The following CAMSAP2 variants were observed in gnomAD, a reference collection of about 807,000 sequenced individuals.
CAMSAP2 encodes the protein calmodulin regulated spectrin associated protein family member 2, also known as calmodulin-regulated spectrin-associated protein 2.
A neutral mutation model predicts 146.1 loss-of-function variants in CAMSAP2; 26 were observed. The observed-to-expected ratio is 0.18, with a 90% CI of 0.13 to 0.25. CAMSAP2 has a LOEUF of 0.25. CAMSAP2 is among the 10% of genes least tolerant of loss of function. CAMSAP2 has a pLI of 1.00. For missense variants in CAMSAP2, 1,381 were observed against 1,759.3 expected (o/e 0.78, Z 3.85); for synonymous variants, 499 against 596.6 (o/e 0.84, Z 2.38).
chr1:200,772,284 C>A (rs1202024961), intron 2 of CAMSAP2, among the ~76,000 whole-genome samples: 1 of 152,040 alleles, frequency 6.6e-6, no homozygotes, highest in Non-Finnish European at 1.5e-5. Flanking sequence ...TATGCATGAC[C>A]CATGAATGGG....
chr1:200,756,840 C>T (rs538491208), intron 1 of CAMSAP2, among the ~76,000 whole-genome samples: 69 of 152,180 alleles, frequency 4.5e-4, no homozygotes, highest in African/African-American at 1.5e-3. Context: ...ACGTACCAGG[C>T]GCTGAGTTAG....
chr1:200,811,480 G>A (rs1666329805), intron 3 of CAMSAP2, among the ~76,000 whole-genome samples: 2 of 152,142 alleles, frequency 1.3e-5, no homozygotes, highest in South Asian at 4.1e-4. Context: ...TCTAGTCACA[G>A]TGCACTGTTG....
At chr1:200,742,698 G>A (rs1359496302) in intron 1 of CAMSAP2, among the ~76,000 whole-genome samples, 1 of 151,908 alleles carries the variant, frequency 6.6e-6, no homozygotes, top group African/African-American at 2.4e-5. Context: ...TGACTTACAG[G>A]GTCTTCAGGC....
In CAMSAP2 at chr1:200,848,906, A is replaced by C. The variant is rs1158589264; in HGVS notation, c.2137A>C (p.Thr713Pro). The C allele has an allele frequency of 1.9e-6, 3 of 1,614,198 alleles. No individual in the cohort carries two copies. The highest frequency in any genetic ancestry group is 2.5e-6 in the Non-Finnish European group (3 of 1,180,030). The change falls in exon 11 of 17, where the codon ACA (threonine) becomes CCA (proline). Residue 713 changes from threonine (T) to proline (P), a missense_variant. Physicochemically the swap from Thr to Pro is conservative, Grantham distance 38 (BLOSUM62 -1). Transcript: ENST00000358823. ...KSSGSSSQKT[T>P]PEGSELNIPH... ...TAGTGGAAGCAGTTCTCAAAAAACT[A>C]CACCAGAAGGCTCTGAACTTAATAT...
rs775576144 is a variant in CAMSAP2 at position 200,768,228 on chromosome 1, C to T, written c.399+7130C>T. On this transcript the variant is annotated intron_variant, in intron 2 of 16. Coordinates refer to ENST00000358823, the MANE Select transcript of CAMSAP2 (RefSeq NM_203459.4). ...CACTTCAACTGAGTTTTGAAGGATG[C>T]GGAGGAATTTACCACATAGAGAAAT... Among the ~76,000 whole-genome samples the T allele has an allele frequency of 6.6e-5, 10 of 152,084 alleles. 1 individual carries two copies. The South Asian group carries it at 8.3e-4, about 13-fold the overall frequency.
rs188205855 is a variant in CAMSAP2 at position 200,857,463 on chromosome 1, T to C, written c.4131+39T>C. The C allele has an allele frequency of 9.7e-5, 133 of 1,370,896 alleles. No homozygotes were observed. In the African/African-American group the frequency reaches 1.6e-3, roughly 17 times the overall value. 84.9% of individuals were successfully genotyped at this position (1,370,896 alleles called of 1,614,324 possible). ...CATGAAAATTAAATTTGGCAAACTGTAGAAGTCTTTTATCCATTCAAGAGA... is the reference window on the plus strand; with the variant it reads ...CATGAAAATTAAATTTGGCAAACTGCAGAAGTCTTTTATCCATTCAAGAGA... On this transcript the variant is annotated intron_variant, in intron 16 of 16. Transcript: ENST00000358823. The surrounding 1 kb of genome is among the most constrained non-coding windows in gnomAD (Gnocchi z 4.7).
At chr1:200,815,921 G>A (rs1387511818) in intron 4 of CAMSAP2, among the ~76,000 whole-genome samples, 1 of 152,182 alleles carries the variant, frequency 6.6e-6, no homozygotes, top group East Asian at 1.9e-4. Flanking sequence ...GGTAAAATGT[G>A]TAAAACAACA....
At chr1:200,787,016 G>GAA (rs201620125) in intron 2 of CAMSAP2, among the ~76,000 whole-genome samples, 2 of 133,910 alleles carry the variant, frequency 1.5e-5, no homozygotes, top group Non-Finnish European at 1.6e-5. Flanking sequence ...GACCTGCTCA[G>GAA]AAAAAAAAAA....
intron 4 of CAMSAP2, among the ~76,000 whole-genome samples, chr1:200,825,297 C>A (rs1287263023): frequency 6.6e-6 from 1 of 152,128 alleles, no homozygotes; most frequent in Non-Finnish European, 1.5e-5. Flanking sequence ...CAATCCCTCC[C>A]CTATCTCTTC....
intron 13 of CAMSAP2, among the ~76,000 whole-genome samples, chr1:200,854,050 C>T (rs1389092566): frequency 6.6e-6 from 1 of 152,160 alleles, no homozygotes; most frequent in Non-Finnish European, 1.5e-5. Context: ...GTGATCATGG[C>T]TCACTGCAGC....
intron 2 of CAMSAP2, among the ~76,000 whole-genome samples, chr1:200,799,035 A>G (rs1665964358): frequency 6.6e-6 from 1 of 152,156 alleles, no homozygotes; most frequent in African/African-American, 2.4e-5. Context: ...ATCGTGGTGG[A>G]TAAGCTTTTT....
At chr1:200,837,337 T>G (rs1191308825) in intron 6 of CAMSAP2, among the ~76,000 whole-genome samples, 1 of 152,212 alleles carries the variant, frequency 6.6e-6, no homozygotes, top group East Asian at 1.9e-4. Context: ...CACCATTTGT[T>G]GAATAGGGAG....
intron 1 of CAMSAP2, among the ~76,000 whole-genome samples, chr1:200,754,815 C>G (rs1252146202): frequency 6.6e-6 from 1 of 152,074 alleles, no homozygotes; most frequent in African/African-American, 2.4e-5. Flanking sequence ...ATCTCCTGAC[C>G]TTGTGATCTG....
intron 2 of CAMSAP2, among the ~76,000 whole-genome samples, chr1:200,806,522 C>G (rs1334415196): frequency 6.6e-6 from 1 of 152,148 alleles, no homozygotes; most frequent in African/African-American, 2.4e-5. Flanking sequence ...TCTATCAAAA[C>G]TTAAATTGTG....
chr1:200,843,246 A>G (rs1208761124), intron 7 of CAMSAP2, among the ~76,000 whole-genome samples: 1 of 152,170 alleles, frequency 6.6e-6, no homozygotes, highest in Non-Finnish European at 1.5e-5. Context: ...AAAATAAAAG[A>G]AGAGAAAGTG....
chr1:200,847,442 T>C, intron 9 of CAMSAP2, 150 bp downstream of exon 9: 1 of 731,974 alleles, frequency 1.4e-6, no homozygotes. Context: ...TTCTGAAAAA[T>C]GGCTATTATA....
intron 2 of CAMSAP2, among the ~76,000 whole-genome samples, chr1:200,775,776 C>G (rs529162272): frequency 6.6e-6 from 1 of 152,246 alleles, no homozygotes; most frequent in African/African-American, 2.4e-5. Flanking sequence ...GGTGATCCAC[C>G]CCCCTCGGCC....
intron 15 of CAMSAP2, among the ~76,000 whole-genome samples, chr1:200,856,466 T>TG (rs1667755281): frequency 6.6e-6 from 1 of 152,284 alleles, no homozygotes; most frequent in Admixed American, 6.5e-5. Flanking sequence ...TCCAGAATTG[T>TG]GCACCTTTAG....
rs1035024385 is a variant in CAMSAP2 at position 200,848,310 on chromosome 1, A to G, written c.1541A>G (p.Asn514Ser). 6 of 1,613,586 alleles carry G rather than the reference A, an allele frequency of 3.7e-6. No individual in the cohort carries two copies. The African/African-American group carries it at 8.0e-5, about 22-fold the overall frequency. Reference sequence around the variant, plus strand: ...ACAAATGAACTAAATTCTAATGAGAATATTCATTACAAGCTTCCAAATGGA... The same window carrying G: ...ACAAATGAACTAAATTCTAATGAGAGTATTCATTACAAGCTTCCAAATGGA... ...LNTNELNSNE[N>S]IHYKLPNGAL... Residue 514 changes from asparagine (N) to serine (S), a missense_variant, in exon 11 of 17, where the codon AAT (asparagine) becomes AGT (serine). Transcript: ENST00000358823.
Sources: allele counts gnomAD v4.1 joint callset (sites outside exome capture counted in the v4.1 genomes callset), GRCh38; gene constraint gnomAD v4.1.1; non-coding constraint Gnocchi (gnomAD v3.1); transcripts MANE v1.5; gene names NCBI Gene and HGNC (gene_info 2026-07-23, HGNC 2026-07-21).